Variants in ZFHX4 observed in about 807,000 individuals in gnomAD.
ZFHX4 encodes the protein zinc finger homeobox 4.
A neutral mutation model predicts 267.6 loss-of-function variants in ZFHX4; 56 were observed. The ratio of observed to expected loss-of-function variants is 0.21; its 90% CI spans 0.17 to 0.26. ZFHX4 has a LOEUF of 0.26. Ranked by LOEUF, ZFHX4 falls within the 10% of genes least tolerant of loss-of-function variation. The pLI, the probability that ZFHX4 is intolerant of heterozygous loss-of-function variation, is 1.00. For missense variants in ZFHX4, 4,332 were observed against 4,420.0 expected (o/e 0.98, Z 0.56); for synonymous variants, 1,778 against 1,665.6 (o/e 1.07, Z -1.64).
intron 4 of ZFHX4, among the ~76,000 whole-genome samples, chr8:76,802,013 A>T (rs1585960534): frequency 6.6e-6 from 1 of 152,144 alleles, no homozygotes; most frequent in Non-Finnish European, 1.5e-5. Flanking sequence ...AGCAGGAAAA[A>T]GTATGAAAGC....
intron 4 of ZFHX4, among the ~76,000 whole-genome samples, chr8:76,802,443 T>C (rs1353605176): frequency 6.6e-6 from 1 of 152,172 alleles, no homozygotes; most frequent in African/African-American, 2.4e-5. Context: ...GCATATGTAC[T>C]TGTAGCATAA....
intron 4 of ZFHX4, among the ~76,000 whole-genome samples, chr8:76,792,036 C>T (rs548249949): frequency 6.6e-6 from 1 of 152,026 alleles, no homozygotes; most frequent in Non-Finnish European, 1.5e-5. Flanking sequence ...GACTTGGTTA[C>T]AAAGGTGATG....
chr8:76,765,956 T>A (rs1810040587), intron 3 of ZFHX4, among the ~76,000 whole-genome samples: 2 of 152,054 alleles, frequency 1.3e-5, no homozygotes, highest in South Asian at 4.1e-4. Context: ...TTCATCTTCA[T>A]CACAGGAGAT....
chr8:76,724,240 A>G (rs1462102362), intron 3 of ZFHX4, among the ~76,000 whole-genome samples: 1 of 152,072 alleles, frequency 6.6e-6, no homozygotes, highest in African/African-American at 2.4e-5. Flanking sequence ...GGTTGCTTGT[A>G]GATCTTAAGG....
In ZFHX4 at chr8:76,706,621, A is replaced by G. The variant is rs1808282271; in HGVS notation, c.2533A>G (p.Met845Val). The change falls in exon 2 of 11, where the codon ATG becomes GTG. Residue 845 changes from methionine to valine, a missense_variant. Coordinates refer to ENST00000651372, the MANE Select transcript of ZFHX4 (RefSeq NM_024721.5). ...GGAAAACCCTGCCGACCCTCAGCTG[A>G]TGATCAATCCATTCCAGCTGGATCC... ...KLENPADPQL[M>V]INPFQLDPAT... 6.2e-7 allele frequency: 1 copy of G among 1,607,806 alleles called. No individual in the cohort carries two copies. The highest frequency in any genetic ancestry group is 1.3e-5 in the African/African-American group (1 of 74,858).
In ZFHX4 at chr8:76,787,049, G is replaced by A. The variant is rs1810710622; in HGVS notation, c.3325+8610G>A. Reference sequence around the variant, plus strand: ...TTCCTGTAAATAGCATAATCACTGTGTATAAATGCATATTTTACATCCCAC... The same window carrying A: ...TTCCTGTAAATAGCATAATCACTGTATATAAATGCATATTTTACATCCCAC... On this transcript the variant is annotated intron_variant, in intron 4 of 10. Transcript: ENST00000651372. 3.3e-5 allele frequency among the ~76,000 whole-genome samples: 5 copies of A among 152,190 alleles called. No homozygotes were observed. The South Asian group carries it at 1.0e-3, about 32-fold the overall frequency.
chr8:76,862,945 AGGT>A (rs773564728), intron 10 of ZFHX4, 146 bp from the exon 11 acceptor site: 34 of 1,156,364 alleles, frequency 2.9e-5, no homozygotes, highest in Non-Finnish European at 3.9e-5. Flanking sequence ...TTGAAGTTCT[AGGT>A]GGTGATCATG....
chr8:76,846,681 G>A (rs1055024533), intron 6 of ZFHX4, among the ~76,000 whole-genome samples: 5 of 152,100 alleles, frequency 3.3e-5, no homozygotes, highest in African/African-American at 1.2e-4. Flanking sequence ...CCAGTGTGTA[G>A]GTTTAGTAAA....
At chr8:76,692,616 G>C (rs575203037) in intron 1 of ZFHX4, among the ~76,000 whole-genome samples, 4 of 152,088 alleles carry the variant, frequency 2.6e-5, no homozygotes. Flanking sequence ...GACTACCCAA[G>C]TTCAAAGATG....
Position 76,707,584 on chromosome 8 carries a change from G to T in ZFHX4, c.2629G>T (p.Gly877Cys). ...ELPPEIRLAS[G>C]QLMGDDLSLL... Reference sequence around the variant, plus strand: ...GCCGCCTGAAATCCGGCTTGCCAGTGGTCAGCTAATGGGTGATGACCTGTC... The same window carrying T: ...GCCGCCTGAAATCCGGCTTGCCAGTTGTCAGCTAATGGGTGATGACCTGTC... The change falls in exon 3 of 11, where the codon GGT (glycine) becomes TGT (cysteine). Residue 877 changes from glycine (G) to cysteine (C), a missense_variant. Physicochemically the swap from Gly to Cys is radical, Grantham distance 159. Coordinates refer to ENST00000651372, the MANE Select transcript of ZFHX4 (RefSeq NM_024721.5). 1 of 1,599,820 alleles carries T rather than the reference G, an allele frequency of 6.3e-7. No homozygotes were observed. Among genetic ancestry groups the T allele is most frequent in the Non-Finnish European group, 8.5e-7 (1 of 1,171,278 alleles).
intron 1 of ZFHX4, among the ~76,000 whole-genome samples, chr8:76,696,087 A>G (rs920505141): frequency 3.3e-5 from 5 of 152,112 alleles, no homozygotes; most frequent in African/African-American, 1.2e-4. Flanking sequence ...AAACCTGCAA[A>G]CCTCATGACT....
intron 1 of ZFHX4, among the ~76,000 whole-genome samples, chr8:76,688,925 A>T (rs1041896302): frequency 2.6e-5 from 4 of 152,068 alleles, no homozygotes; most frequent in African/African-American, 9.7e-5. Flanking sequence ...TACTATTAAG[A>T]TGGTTAGATG....
chr8:76,840,134 C>G (rs575263053), intron 5 of ZFHX4, among the ~76,000 whole-genome samples: 9 of 152,290 alleles, frequency 5.9e-5, no homozygotes, highest in African/African-American at 2.2e-4. Context: ...CAAAACAGAT[C>G]TGAATTGCTT....
At chr8:76,787,092 T>C (rs1810711189) in intron 4 of ZFHX4, among the ~76,000 whole-genome samples, 1 of 152,214 alleles carries the variant, frequency 6.6e-6, no homozygotes, top group South Asian at 2.1e-4. Context: ...CTATTTTATA[T>C]TGTTTTCAAA....
intron 3 of ZFHX4, among the ~76,000 whole-genome samples, chr8:76,742,656 A>G (rs1478683196): frequency 6.6e-6 from 1 of 152,238 alleles, no homozygotes; most frequent in African/African-American, 2.4e-5. Context: ...CATGTTAATC[A>G]CAGAATCAAA....
At position 76,864,050 on chromosome 8, in the gene ZFHX4, AAATATCAGT is replaced by A. The variant is rs1179060370; in HGVS notation, c.10337_10345del (p.Lys3446_Cys3449delinsSer). 4 of 1,613,786 alleles carry A rather than the reference AAATATCAGT, an allele frequency of 2.5e-6. No homozygotes were observed. The highest frequency in any genetic ancestry group is 1.6e-4 in the Middle Eastern group (1 of 6,080). On this transcript the variant is annotated inframe_deletion, in exon 11 of 11. Transcript: ENST00000651372. Reference sequence around the variant, plus strand: ...GACAGTGCTTCGTGTCCCAGTCAGCAAATATCAGTGTCTTGCCTGTGATGTGGCTATCAG... The same window carrying A: ...GACAGTGCTTCGTGTCCCAGTCAGCAGTCTTGCCTGTGATGTGGCTATCAG...
intron 1 of ZFHX4, among the ~76,000 whole-genome samples, chr8:76,687,608 A>C (rs560793711): frequency 1.1e-4 from 16 of 152,302 alleles, no homozygotes; most frequent in Admixed American, 3.3e-4. Flanking sequence ...TCTTCTTCTT[A>C]TTCTCCCTTT....
At chr8:76,718,506 A>G (rs1329494959) in intron 3 of ZFHX4, among the ~76,000 whole-genome samples, 1 of 152,180 alleles carries the variant, frequency 6.6e-6, no homozygotes, top group Admixed American at 6.6e-5. Flanking sequence ...TTTTTCCATG[A>G]TGAGTATTTC....
rs186996104 is a variant in ZFHX4, at chr8:76,848,979, T to C, written c.3512-16T>C. 8 of 1,506,128 alleles carry C rather than the reference T, an allele frequency of 5.3e-6. No homozygotes were observed. In the Admixed American group the frequency reaches 1.1e-4, roughly 20 times the overall value. The allele number at this position is 1,506,128 out of a possible 1,614,324, so 93.3% of individuals were successfully genotyped here. Reference sequence around the variant, plus strand: ...GTGTTTTTAAATTGAATTGTTCTATTCTTTTTGGGAATCAGGGATAATCAC... The same window carrying C: ...GTGTTTTTAAATTGAATTGTTCTATCCTTTTTGGGAATCAGGGATAATCAC... On this transcript the variant is annotated splice_polypyrimidine_tract_variant and intron_variant, in intron 6 of 10. Transcript: ENST00000651372.
Sources: gnomAD v4.1 joint callset for allele counts (sites outside exome capture counted in the v4.1 genomes callset) on GRCh38, gnomAD v4.1.1 for gene constraint, MANE v1.5 for transcripts, NCBI Gene and HGNC (gene_info 2026-07-23, HGNC 2026-07-21) for gene names.